The following ABCD4 variants were observed in gnomAD, a reference collection of about 807,000 sequenced individuals.
ABCD4 encodes the protein lysosomal cobalamin transporter ABCD4.
ABCD4 carries 53 observed loss-of-function variants against 86.3 expected under a neutral mutation model. The ratio of observed to expected loss-of-function variants is 0.61; its 90% CI spans 0.49 to 0.77. ABCD4 has a LOEUF of 0.77. Ranked by LOEUF, ABCD4 falls within the 30% of genes least tolerant of loss-of-function variation. ABCD4 has a pLI of 0.00. For synonymous variants in ABCD4, 328 were observed against 313.6 expected, an observed-to-expected ratio of 1.05 and a Z score of -0.49; for missense variants, 757 against 764.5, an observed-to-expected ratio of 0.99 and a Z score of 0.12.
chr14:74,289,022 G>C, intron 14 of ABCD4: 3 of 933,458 alleles, frequency 3.2e-6, no homozygotes, highest in Non-Finnish European at 4.2e-6. Flanking sequence ...TGAGGCAGGG[G>C]AATTGCTTGA....
rs1445897358 is a variant in ABCD4, at chr14:74,296,650, T to C, written c.426-201A>G. On this transcript the variant is annotated intron_variant, in intron 4 of 18. Transcript: ENST00000356924. ...GGCCTTTAAACAGGGTTCTAGAGAG[T>C]TGCATCTTACGGTGCCTTAGTTAAT... The C allele has an allele frequency of 5.4e-6, 3 of 557,980 alleles. No individual in the cohort carries two copies. In the African/African-American group the frequency reaches 5.7e-5, roughly 11 times the overall value. 34.6% of individuals were successfully genotyped at this position (557,980 alleles called of 1,614,324 possible).
intron 1 of ABCD4, among the ~76,000 whole-genome samples, chr14:74,301,216 G>A (rs2084394294): frequency 4.7e-5 from 7 of 149,608 alleles, no homozygotes; most frequent in Admixed American, 4.0e-4. Flanking sequence ...CTGGAATGCA[G>A]TGGTGCGATC....
chr14:74,286,485 C>T lies in ABCD4; in HGVS notation c.1797G>A (p.Glu599=). 6.2e-7 allele frequency: 1 copy of T among 1,614,250 alleles called. No homozygotes were observed. Among genetic ancestry groups the T allele is most frequent in the South Asian group, 1.1e-5 (1 of 91,088 alleles). ...TTCATTCCACTTTGATTCTCATCAG[C>T]TCCCATCTTCCTCCTCCACAGAGTT... ...VLKLCGGGRW[E]LMRIKVE The change falls in exon 19 of 19, where the codon GAG becomes GAA. Residue 599 remains glutamate, a synonymous_variant. Coordinates refer to ENST00000356924, the MANE Select transcript of ABCD4 (RefSeq NM_005050.4).
At position 74,286,709 on chromosome 14, in the gene ABCD4, G is replaced by T; in HGVS notation, c.1744C>A (p.Leu582Ile). ...CTTGTGAGCACGGGTACCTTCTCAAGGCTCTGCCGATGTCCCACACTGATG... is the reference window on the plus strand; with the variant it reads ...CTTGTGAGCACGGGTACCTTCTCAATGCTCTGCCGATGTCCCACACTGATG... ...TFISVGHRQSLEKFHSLVLKL... is the reference protein window; with the variant it reads ...TFISVGHRQSIEKFHSLVLKL... Residue 582 changes from leucine (L) to isoleucine (I), a missense_variant, in exon 18 of 19, where the codon CTT (leucine) becomes ATT (isoleucine). Leu to Ile is a conservative substitution (Grantham distance 5). Transcript: ENST00000356924. 6.2e-7 allele frequency: 1 copy of T among 1,614,104 alleles called. No individual in the cohort carries two copies. The highest frequency in any genetic ancestry group is 8.5e-7 in the Non-Finnish European group (1 of 1,180,032).
chr14:74,298,213 T>G, intron 3 of ABCD4, 144 bp from the exon 4 acceptor site: 1 of 1,429,318 alleles, frequency 7.0e-7, no homozygotes, highest in Non-Finnish European at 9.2e-7. Context: ...CTTTTCTTTT[T>G]TAAATCATCG....
rs56200118 is a variant in ABCD4 at position 74,288,938 on chromosome 14, G to C, written c.1457-173C>G. ...ACCACCCTGGCCAACATGGTGAAACGCTGTCTCTACTAAATATACAAAAAT... is the reference window on the plus strand; with the variant it reads ...ACCACCCTGGCCAACATGGTGAAACCCTGTCTCTACTAAATATACAAAAAT... On this transcript the variant is annotated intron_variant, in intron 14 of 18. Transcript: ENST00000356924. 14,858 of 940,726 alleles carry C rather than the reference G, an allele frequency of 0.016. 1,495 individuals are homozygous for C. In the African/African-American group the frequency reaches 0.22, roughly 14 times the overall value. The allele number at this position is 940,726 out of a possible 1,614,324, so 58.3% of individuals were successfully genotyped here. A position where few individuals can be genotyped will look rare whatever the true frequency, so the allele number is the denominator to read the frequency against.
Position 74,298,007 on chromosome 14 carries a change from A to C in ABCD4, c.348T>G (p.Thr116=). The C allele has an allele frequency of 1.2e-6, 2 of 1,614,068 alleles. No individual in the cohort carries two copies. Among genetic ancestry groups the C allele is most frequent in the Middle Eastern group, 1.6e-4 (1 of 6,062 alleles). Residue 116 remains threonine (T), a synonymous_variant, in exon 4 of 19, where the codon ACT becomes ACG. Coordinates refer to ENST00000356924, the MANE Select transcript of ABCD4 (RefSeq NM_005050.4). Reference sequence around the variant, plus strand: ...GGAAGTAGAGGCGGTGAAGGTGCTCAGTGAGGTCCTTCCTCCAGCTCACAT... The same window carrying C: ...GGAAGTAGAGGCGGTGAAGGTGCTCCGTGAGGTCCTTCCTCCAGCTCACAT... The part of the protein sequence containing the change: ...LLYVSWRKDL[T]EHLHRLYFRG...
chr14:74,300,627 A>T (rs1480344767), intron 1 of ABCD4, among the ~76,000 whole-genome samples: 1 of 151,966 alleles, frequency 6.6e-6, no homozygotes, highest in African/African-American at 2.4e-5. Context: ...CAAAAAACTT[A>T]AAAAATTACA....
chr14:74,294,102 G>A (rs1448952222), intron 7 of ABCD4: 2 of 151,794 alleles, frequency 1.3e-5, no homozygotes, highest in Non-Finnish European at 2.9e-5. Flanking sequence ...ACCCAGGCTG[G>A]AGTGCAATGG....
intron 2 of ABCD4, 157 bp from the exon 3 acceptor site, chr14:74,299,832 C>T (rs1175596966): frequency 2.5e-5 from 17 of 670,018 alleles, no homozygotes; most frequent in Non-Finnish European, 3.3e-5. Flanking sequence ...GAGGCTGAGG[C>T]GGGTGTATCA....
At chr14:74,292,474 T>C (rs1255441288) in intron 10 of ABCD4, 77 bp downstream of exon 10, 3 of 1,591,906 alleles carry the variant, frequency 1.9e-6, no homozygotes, top group East Asian at 2.2e-5. Flanking sequence ...TATGTCTCTG[T>C]TCCTTTTTTC....
chr14:74,286,173 A>G lies in ABCD4; in HGVS notation c.*288T>C. Reference sequence around the variant, plus strand: ...CACACTTCCAGATTTCTCTTTAGCAAACATGATCTGAAATCATTTGTAGGT... The same window carrying G: ...CACACTTCCAGATTTCTCTTTAGCAGACATGATCTGAAATCATTTGTAGGT... On this transcript the variant is annotated 3_prime_UTR_variant, in exon 19 of 19. Coordinates refer to ENST00000356924, the MANE Select transcript of ABCD4 (RefSeq NM_005050.4). 3.2e-6 allele frequency: 1 copy of G among 310,094 alleles called. No homozygotes were observed. Among genetic ancestry groups the G allele is most frequent in the Non-Finnish European group, 5.9e-6 (1 of 168,392 alleles). 19.2% of individuals were successfully genotyped at this position (310,094 alleles called of 1,614,324 possible).
At position 74,297,982 on chromosome 14, in the gene ABCD4, G is replaced by A. The variant is rs780802823; in HGVS notation, c.373C>T (p.Arg125Trp). 27 of 1,613,982 alleles carry A rather than the reference G, an allele frequency of 1.7e-5. No homozygotes were observed. In the South Asian group the frequency reaches 2.2e-4, roughly 13 times the overall value. ...TTGAGGGTGTAGTACGCACGGCCCCGGAAGTAGAGGCGGTGAAGGTGCTCA... is the reference window on the plus strand; with the variant it reads ...TTGAGGGTGTAGTACGCACGGCCCCAGAAGTAGAGGCGGTGAAGGTGCTCA... ...LTEHLHRLYF[R>W]GRAYYTLNVL... Residue 125 changes from arginine (R) to tryptophan (W), a missense_variant, in exon 4 of 19, where the codon CGG (arginine) becomes TGG (tryptophan). By Grantham distance (101) the Arg-to-Trp change is moderately radical. Coordinates refer to ENST00000356924, the MANE Select transcript of ABCD4 (RefSeq NM_005050.4).
chr14:74,299,982 G>C (rs2140101526), intron 2 of ABCD4, 168 bp downstream of exon 2: 1 of 579,438 alleles, frequency 1.7e-6, no homozygotes, highest in African/African-American at 1.9e-5. Flanking sequence ...AGAATCACTT[G>C]AACCAGGGAG....
At position 74,296,295 on chromosome 14, in the gene ABCD4, C is replaced by G. The variant is rs376000935; in HGVS notation, c.542+38G>C. The G allele has an allele frequency of 1.9e-6, 3 of 1,598,038 alleles. No individual in the cohort carries two copies. In the African/African-American group the frequency reaches 4.0e-5, roughly 21 times the overall value. ...CCTGGGAGAGCTGACTGAGGGCCCT[C>G]TGGGGAAACACCAGGCTGGGGAGGA... On this transcript the variant is annotated intron_variant, in intron 5 of 18. Coordinates refer to ENST00000356924, the MANE Select transcript of ABCD4 (RefSeq NM_005050.4).
intron 1 of ABCD4, among the ~76,000 whole-genome samples, chr14:74,302,616 G>T (rs2084959095): frequency 6.6e-6 from 1 of 152,234 alleles, no homozygotes; most frequent in South Asian, 2.1e-4. Context: ...AAAAAAGAAT[G>T]CCAGTTGCGA....
At chr14:74,292,462 G>C (rs2081775047) in intron 10 of ABCD4, 86 bp from the exon 11 acceptor site, 1 of 1,584,512 alleles carries the variant, frequency 6.3e-7, no homozygotes, top group African/African-American at 1.3e-5. Context: ...ACGAGTACAT[G>C]GTATGTCTCT....
intron 8 of ABCD4, 70 bp from the exon 9 acceptor site, chr14:74,292,939 CAG>C (rs2081938266): frequency 6.2e-7 from 1 of 1,604,420 alleles, no homozygotes; most frequent in Non-Finnish European, 8.5e-7. Context: ...AACCCTAAGA[CAG>C]GGAGCAGGAC....
rs527358226 is a variant in ABCD4 at position 74,288,320 on chromosome 14, T to C, written c.1507-61A>G. The C allele has an allele frequency of 6.7e-5, 102 of 1,523,538 alleles. No homozygotes were observed. The South Asian group carries it at 1.0e-3, about 15-fold the overall frequency. 94.4% of individuals were successfully genotyped at this position (1,523,538 alleles called of 1,614,324 possible). Reference sequence around the variant, plus strand: ...TGGCCAGCCCTGCTACCTGCCATCATGGGGAACCTCCCTCACTCCCCAGCA... The same window carrying C: ...TGGCCAGCCCTGCTACCTGCCATCACGGGGAACCTCCCTCACTCCCCAGCA... On this transcript the variant is annotated intron_variant, in intron 15 of 18. Transcript: ENST00000356924.
Sources: allele counts gnomAD v4.1 joint callset (sites outside exome capture counted in the v4.1 genomes callset), GRCh38; gene constraint gnomAD v4.1.1; transcripts MANE v1.5; gene names NCBI Gene and HGNC (gene_info 2026-07-23, HGNC 2026-07-21).